The following RBFOX1 variants were observed in gnomAD, a reference collection of about 807,000 sequenced individuals.
The protein encoded by RBFOX1 is RNA binding protein fox-1 homolog 1.
RBFOX1 carries 8 observed loss-of-function variants against 57.7 expected under a neutral mutation model. That is an observed-to-expected ratio of 0.14 (90% CI 0.08 to 0.25). RBFOX1 has a LOEUF of 0.25. RBFOX1 is among the 10% of genes least tolerant of loss of function. The pLI is 1.00. For missense variants in RBFOX1, 611 were observed against 548.5 expected (o/e 1.11, Z -1.14); for synonymous variants, 326 against 222.4 (o/e 1.47, Z -4.15).
intron 2 of RBFOX1, among the ~76,000 whole-genome samples, chr16:6,345,808 AGGTCCTGAC>A (rs1267087488): frequency 1.3e-5 from 2 of 152,200 alleles, no homozygotes; most frequent in Non-Finnish European, 2.9e-5. Context: ...CGGCCTCAGG[AGGTCCTGAC>A]GACATGTGCG....
chr16:7,612,737 C>T (rs183784542), intron 10 of RBFOX1, among the ~76,000 whole-genome samples: 1 of 152,174 alleles, frequency 6.6e-6, no homozygotes, highest in Non-Finnish European at 1.5e-5. Flanking sequence ...AAATAAATAA[C>T]AGAAGGTTAC....
At chr16:7,240,935 A>G (rs529469549) in intron 4 of RBFOX1, among the ~76,000 whole-genome samples, 1 of 152,308 alleles carries the variant, frequency 6.6e-6, no homozygotes, top group South Asian at 2.1e-4. Context: ...CAGCAGCACA[A>G]AAAGTTTCTA....
At chr16:6,993,923 A>C (rs17141980) in intron 3 of RBFOX1, among the ~76,000 whole-genome samples, 5,712 of 152,266 alleles carry the variant, frequency 0.038, 379 homozygotes, top group African/African-American at 0.13. Flanking sequence ...GATTGTAGCC[A>C]ATAAGTGCCT....
intron 3 of RBFOX1, among the ~76,000 whole-genome samples, chr16:6,836,977 T>C (rs2093145760): frequency 6.6e-6 from 1 of 152,120 alleles, no homozygotes; most frequent in South Asian, 2.1e-4. Context: ...GATGGGTGGA[T>C]GGATGAATGA....
chr16:7,414,964 A>T (rs1009732534), intron 4 of RBFOX1, among the ~76,000 whole-genome samples: 8 of 152,180 alleles, frequency 5.3e-5, no homozygotes, highest in Admixed American at 2.6e-4. Context: ...AAGGTGTTTC[A>T]TCCCAACATT....
chr16:6,877,474 T>A (rs1011209529), intron 3 of RBFOX1, among the ~76,000 whole-genome samples: 96 of 152,136 alleles, frequency 6.3e-4, no homozygotes, highest in East Asian at 1.5e-3. Flanking sequence ...CTGCTTGATA[T>A]CAGACCATAA....
chr16:5,436,802 C>T (rs2067931667), intron 1 of RBFOX1, among the ~76,000 whole-genome samples: 2 of 151,872 alleles, frequency 1.3e-5, no homozygotes, highest in Admixed American at 6.6e-5. Context: ...TGTGCCATTG[C>T]ACTCCAGCCT....
chr16:6,196,534 C>G (rs1249391753), intron 1 of RBFOX1, among the ~76,000 whole-genome samples: 1 of 152,066 alleles, frequency 6.6e-6, no homozygotes, highest in Non-Finnish European at 1.5e-5. Context: ...AATATGGATG[C>G]GTGGCTGCGA....
intron 2 of RBFOX1, among the ~76,000 whole-genome samples, chr16:6,653,516 G>C (rs888643492): frequency 6.6e-6 from 1 of 152,116 alleles, no homozygotes; most frequent in Non-Finnish European, 1.5e-5. Flanking sequence ...CTGAGGGTAG[G>C]AATTATGTTT....
chr16:6,956,709 C>A (rs1486429589), intron 3 of RBFOX1, among the ~76,000 whole-genome samples: 2 of 152,252 alleles, frequency 1.3e-5, no homozygotes, highest in African/African-American at 4.8e-5. Context: ...CTGCTTAATG[C>A]CTTTAGAAAA....
intron 3 of RBFOX1, among the ~76,000 whole-genome samples, chr16:6,750,003 T>C (rs1445425746): frequency 6.6e-6 from 1 of 152,152 alleles, no homozygotes; most frequent in Non-Finnish European, 1.5e-5. Flanking sequence ...AATTTTTCTG[T>C]CTAGCAGTCT....
intron 4 of RBFOX1, among the ~76,000 whole-genome samples, chr16:7,243,725 T>G (rs2094168414): frequency 6.6e-6 from 1 of 152,106 alleles, no homozygotes; most frequent in Non-Finnish European, 1.5e-5. Context: ...TTTATTATTC[T>G]TTTTGGTGGA....
chr16:5,412,492 A>G (rs967422602), intron 1 of RBFOX1, among the ~76,000 whole-genome samples: 2 of 152,194 alleles, frequency 1.3e-5, no homozygotes, highest in South Asian at 4.1e-4. Context: ...TCCAAGATTT[A>G]TAGCTCAAAG....
intron 4 of RBFOX1, among the ~76,000 whole-genome samples, chr16:7,261,037 G>A (rs559441143): frequency 3.7e-4 from 57 of 152,222 alleles, no homozygotes; most frequent in South Asian, 1.7e-3. Context: ...CTACCTTGGC[G>A]TCTATGACTC....
intron 1 of RBFOX1, among the ~76,000 whole-genome samples, chr16:6,210,099 C>G (rs2152847001): frequency 6.6e-6 from 1 of 151,740 alleles, no homozygotes; most frequent in African/African-American, 2.4e-5. Flanking sequence ...CGGTGGATCA[C>G]CTGAGGTCAG....
At chr16:6,457,185 G>A (rs1476387637) in intron 2 of RBFOX1, among the ~76,000 whole-genome samples, 2 of 152,136 alleles carry the variant, frequency 1.3e-5, no homozygotes, top group African/African-American at 4.8e-5. Context: ...AGAGGAGAAA[G>A]GATTTATAAG....
intron 3 of RBFOX1, among the ~76,000 whole-genome samples, chr16:5,736,112 G>A (rs898912264): frequency 6.6e-6 from 1 of 152,058 alleles, no homozygotes; most frequent in Non-Finnish European, 1.5e-5. Context: ...TACTGGCTGC[G>A]ATGATGACGG....
chr16:5,530,410 A>C (rs972997884), intron 2 of RBFOX1, among the ~76,000 whole-genome samples: 1 of 152,204 alleles, frequency 6.6e-6, no homozygotes, highest in Non-Finnish European at 1.5e-5. Flanking sequence ...CCCAAGGTCA[A>C]GCAGCTATTA....
intron 4 of RBFOX1, among the ~76,000 whole-genome samples, chr16:7,385,257 C>G (rs2097856461): frequency 1.3e-5 from 2 of 152,006 alleles, no homozygotes; most frequent in African/African-American, 4.8e-5. Context: ...CCAGTGGGGC[C>G]CAGGAGAAGA....
Sources: gnomAD v4.1 joint callset for allele counts (sites outside exome capture counted in the v4.1 genomes callset) on GRCh38, gnomAD v4.1.1 for gene constraint, MANE v1.5 for transcripts, NCBI Gene and HGNC (gene_info 2026-07-23, HGNC 2026-07-21) for gene names.